The following KIFBP variants were observed in gnomAD, a reference collection of about 807,000 sequenced individuals.
KIFBP encodes the protein KIF-binding protein.
KIFBP carries 46 observed loss-of-function variants against 58.9 expected under a neutral mutation model. That is an observed-to-expected ratio of 0.78 (90% confidence interval 0.62 to 1.00). The LOEUF (loss-of-function observed/expected upper bound fraction) is 1.00, where lower values mean the gene tolerates loss of function less well. Among genes scored for constraint, KIFBP ranks in the 50% least tolerant of loss-of-function variants. KIFBP has a pLI of 0.00. For missense variants in KIFBP, 651 were observed against 752.9 expected (o/e 0.86, Z 1.58); for synonymous variants, 241 against 283.4 (o/e 0.85, Z 1.50).
At chr10:69,015,246 G>A (rs1439094000) in intron 6 of KIFBP, 3 of 335,574 alleles carry the variant, frequency 8.9e-6, no homozygotes, top group Admixed American at 9.1e-5. Context: ...ACTTTTACAT[G>A]TAGCATTTAT....
At chr10:69,011,105 A>T in intron 6 of KIFBP, 90 bp downstream of exon 6, 1 of 826,400 alleles carries the variant, frequency 1.2e-6, no homozygotes, top group Admixed American at 1.8e-5. Context: ...TTGGGGTCAC[A>T]TTGTGTTTAA....
chr10:69,008,392 ATAT>A (rs1437298458), intron 4 of KIFBP, among the ~76,000 whole-genome samples: 481 of 36,676 alleles, frequency 0.013, 14 homozygotes, highest in African/African-American at 0.05. Context: ...AAAAAAAAAA[ATAT>A]ATATATATAT....
At chr10:68,998,771 A>ATATATATATATT (rs1357079794) in intron 1 of KIFBP, among the ~76,000 whole-genome samples, 7 of 99,862 alleles carry the variant, frequency 7.0e-5, no homozygotes, top group Admixed American at 1.2e-4. Context: ...ATATATATAT[A>ATATATATATATT]TTTTTTTTTT....
At chr10:69,013,940 G>A (rs1445366886) in intron 6 of KIFBP, among the ~76,000 whole-genome samples, 3 of 152,012 alleles carry the variant, frequency 2.0e-5, no homozygotes, top group Admixed American at 6.6e-5. Flanking sequence ...TGTTAGAGAC[G>A]ATGTTTTACC....
intron 1 of KIFBP, chr10:68,989,496 C>T: frequency 3.4e-6 from 2 of 592,240 alleles, no homozygotes; most frequent in Non-Finnish European, 6.0e-6. Flanking sequence ...CCACCCTCGT[C>T]GCCCACACCA....
intron 3 of KIFBP, among the ~76,000 whole-genome samples, chr10:69,005,400 G>A (rs753132508): frequency 3.9e-5 from 6 of 152,060 alleles, no homozygotes; most frequent in Non-Finnish European, 8.8e-5. Flanking sequence ...ACCATGGTCC[G>A]GACACGGTGG....
In KIFBP at chr10:69,008,950, C is replaced by T. The variant is rs77843147; in HGVS notation, c.874+25C>T. On this transcript the variant is annotated intron_variant, in intron 5 of 6. Coordinates refer to ENST00000361983, the MANE Select transcript of KIFBP (RefSeq NM_015634.4). ...AGTAAGTTTACCTTTGCATGTTTTACATAGCTTTTAAAAAAAGTTTTATTT... is the reference window on the plus strand; with the variant it reads ...AGTAAGTTTACCTTTGCATGTTTTATATAGCTTTTAAAAAAAGTTTTATTT... 63 of 1,562,678 alleles carry T rather than the reference C, an allele frequency of 4.0e-5. No individual in the cohort carries two copies. In the African/African-American group the frequency reaches 8.1e-4, roughly 20 times the overall value.
At chr10:68,999,246 C>T (rs912168809) in intron 1 of KIFBP, among the ~76,000 whole-genome samples, 2 of 151,506 alleles carry the variant, frequency 1.3e-5, no homozygotes, top group African/African-American at 2.4e-5. Flanking sequence ...TACAGGTGCA[C>T]GCCACCACTC....
chr10:68,989,639 A>C, intron 1 of KIFBP: 1 of 253,348 alleles, frequency 3.9e-6, no homozygotes, highest in Non-Finnish European at 7.6e-6. Flanking sequence ...AGTAATTTAA[A>C]TCTTAACGTC....
At chr10:69,004,601 G>A (rs949735217) in intron 2 of KIFBP, among the ~76,000 whole-genome samples, 1 of 151,990 alleles carries the variant, frequency 6.6e-6, no homozygotes, top group African/African-American at 2.4e-5. Flanking sequence ...AGTGGCTCAC[G>A]CCTATAATCC....
At chr10:69,007,933 A>C (rs1843551363) in intron 4 of KIFBP, among the ~76,000 whole-genome samples, 1 of 152,210 alleles carries the variant, frequency 6.6e-6, no homozygotes, top group African/African-American at 2.4e-5. Context: ...GAATTGAATT[A>C]TGAAGTCTTC....
intron 2 of KIFBP, among the ~76,000 whole-genome samples, chr10:69,004,821 G>A (rs184201927): frequency 1.3e-5 from 2 of 152,260 alleles, no homozygotes; most frequent in South Asian, 2.1e-4. Flanking sequence ...ACAGTAAGCC[G>A]AGATTGTGCC....
In KIFBP at chr10:68,989,260, T is replaced by G; in HGVS notation, c.426+2T>G. ...ATCTCTCTCTGCATCCAGGCGCAGG[T>G]GAGAGCGAGCCCGGCCAGGCCGGCC... is the stretch of plus-strand genomic sequence containing the variant. On this transcript the variant is annotated splice_donor_variant, in intron 1 of 6. Coordinates refer to ENST00000361983, the MANE Select transcript of KIFBP (RefSeq NM_015634.4). LOFTEE classifies it high-confidence loss of function. 1 of 1,612,364 alleles carries G rather than the reference T, an allele frequency of 6.2e-7. No homozygotes were observed. The highest frequency in any genetic ancestry group is 8.5e-7 in the Non-Finnish European group (1 of 1,179,716).
chr10:69,002,427 G>T (rs111765299), intron 2 of KIFBP, among the ~76,000 whole-genome samples: 24 of 151,974 alleles, frequency 1.6e-4, no homozygotes, highest in African/African-American at 5.3e-4. Context: ...CAAAGTGCTG[G>T]GATTACAGGC....
chr10:69,009,928 C>T (rs1843574023), intron 5 of KIFBP, among the ~76,000 whole-genome samples: 2 of 152,074 alleles, frequency 1.3e-5, no homozygotes, highest in Non-Finnish European at 2.9e-5. Flanking sequence ...CTGAAAAATG[C>T]AGAGACTCTT....
Position 69,015,795 on chromosome 10 carries a change from T to G in KIFBP, c.1245T>G (p.Tyr415Ter). The G allele has an allele frequency of 6.2e-7, 1 of 1,614,236 alleles. No individual in the cohort carries two copies. The highest frequency in any genetic ancestry group is 2.2e-5 in the East Asian group (1 of 44,888). Reference sequence around the variant, plus strand: ...AAGAGTTCTTTCAGATTGATGGTTATGTCACTGACCATATTGAAGTTGTCC... The same window carrying G: ...AAGAGTTCTTTCAGATTGATGGTTAGGTCACTGACCATATTGAAGTTGTCC... ...EAKEFFQIDG[Y>*]VTDHIEVVQD... is the part of the protein sequence containing the mutation. The change falls in exon 7 of 7, where the codon TAT becomes TAG. Residue 415 changes from tyrosine to a stop codon, truncating the protein, a stop_gained. Coordinates refer to ENST00000361983, the MANE Select transcript of KIFBP (RefSeq NM_015634.4). LOFTEE classifies it high-confidence loss of function.
At chr10:68,993,657 T>G (rs1183837527) in intron 1 of KIFBP, among the ~76,000 whole-genome samples, 1 of 152,070 alleles carries the variant, frequency 6.6e-6, no homozygotes, top group African/African-American at 2.4e-5. Context: ...TCTCACTATA[T>G]TGACCAGGCT....
chr10:69,005,461 A>G (rs1366434877), intron 3 of KIFBP, among the ~76,000 whole-genome samples: 1 of 152,092 alleles, frequency 6.6e-6, no homozygotes, highest in African/African-American at 2.4e-5. Flanking sequence ...GTGGATCACA[A>G]GGTCAGGAGT....
Position 69,015,999 on chromosome 10 carries a change from T to G in KIFBP, c.1449T>G (p.Asp483Glu). 2 of 1,614,172 alleles carry G rather than the reference T, an allele frequency of 1.2e-6. No homozygotes were observed. The highest frequency in any genetic ancestry group is 8.5e-7 in the Non-Finnish European group (1 of 1,180,032). The change falls in exon 7 of 7, where the codon GAT becomes GAG. Residue 483 changes from aspartate to glutamate, a missense_variant. Physicochemically the swap from Asp to Glu is conservative, Grantham distance 45. Transcript: ENST00000361983. ...IQFEIAHAYY[D>E]MMDLKVAIAD... ...TTGAAATTGCACATGCTTACTATGA[T>G]ATGATGGATTTGAAGGTTGCCATTG... is the stretch of plus-strand genomic sequence containing the variant.
Sources: gnomAD v4.1 joint callset for allele counts (sites outside exome capture counted in the v4.1 genomes callset) on GRCh38, gnomAD v4.1.1 for gene constraint, MANE v1.5 for transcripts, NCBI Gene and HGNC (gene_info 2026-07-23, HGNC 2026-07-21) for gene names.